MYO5B: variants seen among roughly 807,000 people sequenced by gnomAD.
MYO5B encodes the protein myosin VB.
A neutral mutation model predicts 229.3 loss-of-function variants in MYO5B; 143 were observed. The ratio of observed to expected loss-of-function variants is 0.62; its 90% confidence interval spans 0.54 to 0.72. MYO5B has a LOEUF of 0.72. Ranked by LOEUF, MYO5B falls within the 30% of genes least tolerant of loss-of-function variation. MYO5B has a pLI of 0.00. For missense variants in MYO5B, 2,321 were observed against 2,331.0 expected, an observed-to-expected ratio of 1.00 and a Z score of 0.09; for synonymous variants, 918 against 885.2, an observed-to-expected ratio of 1.04 and a Z score of -0.66.
At chr18:50,158,009 AC>A (rs1200322763) in intron 1 of MYO5B, among the ~76,000 whole-genome samples, 1 of 152,274 alleles carries the variant, frequency 6.6e-6, no homozygotes, top group Non-Finnish European at 1.5e-5. Context: ...TGATCACACA[AC>A]TAAATACTGA....
chr18:50,001,320 C>T lies in MYO5B; in HGVS notation c.547G>A (p.Val183Ile), dbSNP rs1315378123. Residue 183 changes from valine (V) to isoleucine (I), a missense_variant, in exon 5 of 40, where the codon GTT becomes ATT. Transcript: ENST00000285039. Reference protein sequence around the residue: ...AKYAMRYFATVGGSASETNIE... With the variant: ...AKYAMRYFATIGGSASETNIE... ...TTGGTTTCACTGGCCGAGCCACCAA[C>T]GGTGGCGAAATAGCGCATGGCATAC... is the stretch of plus-strand genomic sequence containing the variant. 16 of 1,614,048 alleles carry T rather than the reference C, an allele frequency of 9.9e-6. No homozygotes were observed. Among genetic ancestry groups the T allele is most frequent in the East Asian group, 6.7e-5 (3 of 44,884 alleles).
At chr18:49,922,966 G>A (rs890637998) in intron 17 of MYO5B, among the ~76,000 whole-genome samples, 7 of 152,156 alleles carry the variant, frequency 4.6e-5, no homozygotes, top group African/African-American at 1.7e-4. Flanking sequence ...TTTTCCACGT[G>A]GGTCTAAAGA....
rs60981774 is a variant in MYO5B, at chr18:49,938,915, C to CA, written c.1753-1519dup. 2.7e-4 allele frequency among the ~76,000 whole-genome samples: 41 copies of CA among 151,830 alleles called. No homozygotes were observed. In the East Asian group the frequency reaches 7.8e-3, roughly 29 times the overall value. ...ACCCATCACTCCTGTCTGTGTCTCC[C>CA]ACAGGCTCTGTGGTGTCCTGGGACA... On this transcript the variant is annotated intron_variant, in intron 14 of 39. Transcript: ENST00000285039.
rs34011258 is a variant in MYO5B, at chr18:49,997,369, CTTTTTTTTT to C, written c.612+3877_612+3885del. 1.6e-3 allele frequency among the ~76,000 whole-genome samples: 97 copies of C among 60,360 alleles called. 1 individual carries two copies. The highest frequency in any genetic ancestry group is 0.019 in the Middle Eastern group (1 of 54). 39.6% of individuals were successfully genotyped at this position (60,360 alleles called of 152,430 possible). ...AGCTTCACTCTAGCCTCCTTTCTTT[CTTTTTTTTT>C]TTTTTTTTTTTTTTTTGAGATGGAG... On this transcript the variant is annotated intron_variant, in intron 5 of 39. Transcript: ENST00000285039.
At chr18:50,081,128 T>C (rs2031210272) in intron 1 of MYO5B, among the ~76,000 whole-genome samples, 1 of 152,196 alleles carries the variant, frequency 6.6e-6, no homozygotes, top group Non-Finnish European at 1.5e-5. Flanking sequence ...CTTCACCAGC[T>C]TTCCCTTCCT....
At chr18:49,996,431 A>G (rs2025987866) in intron 5 of MYO5B, among the ~76,000 whole-genome samples, 1 of 152,236 alleles carries the variant, frequency 6.6e-6, no homozygotes, top group Non-Finnish European at 1.5e-5. Flanking sequence ...CAGTAGGGAA[A>G]ACATAAATAA....
chr18:50,020,121 T>C (rs1219985065), intron 4 of MYO5B, among the ~76,000 whole-genome samples: 2 of 152,184 alleles, frequency 1.3e-5, no homozygotes, highest in Non-Finnish European at 2.9e-5. Flanking sequence ...AATCATTTCA[T>C]CCAGCCACCC....
chr18:50,002,035 C>CAA (rs34864756), intron 4 of MYO5B, among the ~76,000 whole-genome samples: 23,659 of 129,192 alleles, frequency 0.18, 2,462 homozygotes, highest in East Asian at 0.28. Flanking sequence ...AACTCCGTCT[C>CAA]AAAAAAAAAA....
intron 16 of MYO5B, among the ~76,000 whole-genome samples, chr18:49,933,954 C>A (rs1403306049): frequency 6.6e-6 from 1 of 152,182 alleles, no homozygotes; most frequent in Non-Finnish European, 1.5e-5. Flanking sequence ...CAGCTCACTG[C>A]AGCCTCAAAC....
chr18:49,847,478 G>C, intron 32 of MYO5B, among the ~76,000 whole-genome samples, 189 bp from the exon 33 acceptor site: 1 of 152,158 alleles, frequency 6.6e-6, no homozygotes, highest in Non-Finnish European at 1.5e-5. Flanking sequence ...TGCGGAGTCT[G>C]TTCCTACAGC....
chr18:49,824,977 T>A lies in MYO5B; in HGVS notation c.*1494A>T, dbSNP rs1239115336. On this transcript the variant is annotated 3_prime_UTR_variant, in exon 40 of 40. Transcript: ENST00000285039. ...TAAGGGCACAGTGCAGAAGGTAGCG[T>A]GGAGTGTGCTGTGTTTCCAAGAGCC... The A allele has an allele frequency of 2.0e-5, 3 of 152,198 alleles. No homozygotes were observed. The highest frequency in any genetic ancestry group is 4.8e-5 in the African/African-American group (2 of 41,434). 9.4% of individuals were successfully genotyped at this position (152,198 alleles called of 1,614,324 possible). A position where few individuals can be genotyped will look rare whatever the true frequency, so the allele number is the denominator to read the frequency against.
rs375197947 is a variant in MYO5B at position 49,962,276 on chromosome 18, T to G, written c.1535A>C (p.Glu512Ala). The G allele has an allele frequency of 2.5e-6, 4 of 1,614,074 alleles. No individual in the cohort carries two copies. The African/African-American group carries it at 5.3e-5, about 22-fold the overall frequency. ...AKLGILDLLDEECKVPKGTDQ... is the reference protein window; with the variant it reads ...AKLGILDLLDAECKVPKGTDQ... ...CATCATCAGTTTTACCTTACATTCTTCATCCAACAGGTCCAAGATACCCAG... is the reference window on the plus strand; with the variant it reads ...CATCATCAGTTTTACCTTACATTCTGCATCCAACAGGTCCAAGATACCCAG... The change falls in exon 12 of 40, where the codon GAA (glutamate) becomes GCA (alanine). Residue 512 changes from glutamate (E) to alanine (A), a missense_variant. Physicochemically the swap from Glu to Ala is moderately radical, Grantham distance 107 (BLOSUM62 -1). Coordinates refer to ENST00000285039, the MANE Select transcript of MYO5B (RefSeq NM_001080467.3).
chr18:49,941,899 G>T (rs201438855), intron 14 of MYO5B, among the ~76,000 whole-genome samples: 970 of 107,398 alleles, frequency 9.0e-3, no homozygotes, highest in Middle Eastern at 0.016. Context: ...AACAAAGCCA[G>T]AGGCATCATG....
At chr18:49,878,900 G>A (rs745377202) in intron 24 of MYO5B, 45 bp downstream of exon 24, 2 of 1,611,894 alleles carry the variant, frequency 1.2e-6, no homozygotes, top group Non-Finnish European at 1.7e-6. Flanking sequence ...AGCTGGACAG[G>A]AGCCAGGGAC....
chr18:50,001,153 G>C lies in MYO5B; in HGVS notation c.612+102C>G, dbSNP rs190996752. On this transcript the variant is annotated intron_variant, in intron 5 of 39. Coordinates refer to ENST00000285039, the MANE Select transcript of MYO5B (RefSeq NM_001080467.3). ...CTCCACAGTGGACAGAGGGCTCTCA[G>C]GGAGAGGCGTGAAGGCTGCCACCCA... 3.0e-3 allele frequency: 4,282 copies of C among 1,441,042 alleles called. 11 individuals carry two copies. Among genetic ancestry groups the C allele is most frequent in the Non-Finnish European group, 3.5e-3 (3,557 of 1,024,088 alleles). The allele number at this position is 1,441,042 out of a possible 1,614,324, so 89.3% of individuals were successfully genotyped here. A position where few individuals can be genotyped will look rare whatever the true frequency, so the allele number is the denominator to read the frequency against.
In MYO5B at chr18:49,984,825, G is replaced by C; in HGVS notation, c.839C>G (p.Thr280Arg). 1 of 1,591,984 alleles carries C rather than the reference G, an allele frequency of 6.3e-7. No homozygotes were observed. The highest frequency in any genetic ancestry group is 1.1e-5 in the South Asian group (1 of 90,656). The change falls in exon 8 of 40, where the codon ACA (threonine) becomes AGA (arginine). Residue 280 changes from threonine to arginine, a missense_variant and splice_region_variant. By Grantham distance (71) the Thr-to-Arg change is moderately conservative. Coordinates refer to ENST00000285039, the MANE Select transcript of MYO5B (RefSeq NM_001080467.3). ...GLPEFKELALTSAEDFFYTSQ... is the reference protein window; with the variant it reads ...GLPEFKELALRSAEDFFYTSQ... ...TGTATAGAAAAAGTCCTCTGCACTT[G>C]CTGTGGGAGGCGAGGAAATAAGGCA... is the stretch of plus-strand genomic sequence containing the variant.
chr18:50,120,311 C>T lies in MYO5B; in HGVS notation c.28-64933G>A, dbSNP rs1369081873. Among the ~76,000 whole-genome samples, 3 of 152,212 alleles carry T rather than the reference C, an allele frequency of 2.0e-5. No homozygotes were observed. The East Asian group carries it at 5.8e-4, about 29-fold the overall frequency. ...GAAGACAATGTCTGCTCGAGATTGG[C>T]TTCCCAGAGCCATAGGTTTCTAGCA... On this transcript the variant is annotated intron_variant, in intron 1 of 39. Transcript: ENST00000285039.
chr18:49,859,653 T>C (rs1328356131), intron 29 of MYO5B, among the ~76,000 whole-genome samples: 2 of 152,160 alleles, frequency 1.3e-5, no homozygotes, highest in Non-Finnish European at 2.9e-5. Context: ...GTTTGTGGAT[T>C]AATATGACCT....
chr18:50,032,647 A>G (rs1395605561), intron 4 of MYO5B, among the ~76,000 whole-genome samples: 1 of 152,160 alleles, frequency 6.6e-6, no homozygotes, highest in East Asian at 1.9e-4. Flanking sequence ...CCTTTTGGCT[A>G]TTGTGAATAA....
Sources: gnomAD v4.1 joint callset for allele counts (sites outside exome capture counted in the v4.1 genomes callset) on GRCh38, gnomAD v4.1.1 for gene constraint, MANE v1.5 for transcripts, NCBI Gene and HGNC (gene_info 2026-07-23, HGNC 2026-07-21) for gene names.